ETFB: variants seen among roughly 807,000 people sequenced by gnomAD.
The protein encoded by ETFB is electron transfer flavoprotein subunit beta.
Under a neutral mutation model 25.6 loss-of-function variants are expected in ETFB, and 20 were observed. The observed-to-expected ratio is 0.78, with a 90% CI of 0.55 to 1.14. ETFB has a LOEUF of 1.14. Ranked by LOEUF, ETFB falls within the 50% of genes most tolerant of loss-of-function variation. The pLI is 0.00. For missense variants in ETFB, 286 were observed against 342.6 expected (o/e 0.83, Z 1.30); for synonymous variants, 142 against 146.7 (o/e 0.97, Z 0.23).
chr19:51,353,969 G>A (rs1380464267), intron 2 of ETFB, among the ~76,000 whole-genome samples, 181 bp downstream of exon 2: 8 of 131,394 alleles, frequency 6.1e-5, no homozygotes, highest in African/African-American at 1.2e-4. Context: ...CTCAGACCCA[G>A]GAGTCCAGGC....
chr19:51,360,285 C>A (rs980960518), intron 1 of ETFB, among the ~76,000 whole-genome samples: 8 of 151,598 alleles, frequency 5.3e-5, no homozygotes, highest in South Asian at 2.1e-4. Flanking sequence ...GCCTGTAATT[C>A]CAGCTAGTTG....
intron 4 of ETFB, 127 bp downstream of exon 4, chr19:51,350,202 C>A: frequency 9.4e-7 from 1 of 1,061,126 alleles, no homozygotes; most frequent in Non-Finnish European, 1.4e-6. Context: ...ACAAGAAAGC[C>A]ATGAGGCAAT....
In ETFB at chr19:51,357,802, TTTATAAGGTCA is replaced by T. The variant is rs532567824; in HGVS notation, c.58-3505_58-3495del. On this transcript the variant is annotated intron_variant, in intron 1 of 5. Transcript: ENST00000309244. ...CACCGCTCCTGGCCCAACCTGAGTT[TTTATAAGGTCA>T]TTCTGGATTCTTGGTGGAGAAAATT... Among the ~76,000 whole-genome samples, 84 of 152,188 alleles carry T rather than the reference TTTATAAGGTCA, an allele frequency of 5.5e-4. 10 individuals carry two copies. The East Asian group carries it at 9.9e-3, about 18-fold the overall frequency.
intron 4 of ETFB, among the ~76,000 whole-genome samples, chr19:51,349,761 T>A (rs1318196357): frequency 6.6e-6 from 1 of 152,046 alleles, no homozygotes; most frequent in Non-Finnish European, 1.5e-5. Context: ...TCTTTTTTCT[T>A]TTTTTGAGAC....
Position 51,366,381 on chromosome 19 carries a change from G to C in ETFB, c.-55C>G, listed in dbSNP as rs1986369699. On this transcript the variant is annotated 5_prime_UTR_variant, in exon 1 of 6. Transcript: ENST00000309244. ...CCCGCACCCTCAGCGGCTCAGTCCA[G>C]AAGCCCCACCACCCCCGCCCCCCGC... 4 of 1,552,880 alleles carry C rather than the reference G, an allele frequency of 2.6e-6. No individual in the cohort carries two copies. The highest frequency in any genetic ancestry group is 3.5e-6 in the Non-Finnish European group (4 of 1,139,666).
Position 51,354,082 on chromosome 19 carries a change from G to A in ETFB, c.216+68C>T, listed in dbSNP as rs1986008352. 20 of 1,546,326 alleles carry A rather than the reference G, an allele frequency of 1.3e-5. No individual in the cohort carries two copies. The South Asian group carries it at 2.3e-4, about 18-fold the overall frequency. ...CAGCCTCCTCCTCCCTCAGACCCAG[G>A]AGTCCAGGTCCCAGCCCCTCCTCCG... On this transcript the variant is annotated intron_variant, in intron 2 of 5. Coordinates refer to ENST00000309244, the MANE Select transcript of ETFB (RefSeq NM_001985.3).
rs1420981433 is a variant in ETFB at position 51,364,204 on chromosome 19, G to T, written c.57+2066C>A. On this transcript the variant is annotated intron_variant, in intron 1 of 5. Transcript: ENST00000309244. ...AGAGACAATAGGGCAAGAAGGGTGG[G>T]GGGTGGAGAACTGACAGCTTTGGGA... Among the ~76,000 whole-genome samples the T allele has an allele frequency of 2.6e-5, 4 of 152,168 alleles. No individual in the cohort carries two copies. In the East Asian group the frequency reaches 5.8e-4, roughly 22 times the overall value.
chr19:51,362,184 C>CAT (rs1489583891), intron 1 of ETFB, among the ~76,000 whole-genome samples: 3 of 147,714 alleles, frequency 2.0e-5, no homozygotes, highest in Non-Finnish European at 4.4e-5. Flanking sequence ...CACACACACA[C>CAT]ACACACACAC....
intron 1 of ETFB, among the ~76,000 whole-genome samples, chr19:51,364,088 G>C (rs12610961): frequency 0.57 from 86,337 of 151,850 alleles, 25,210 homozygotes; most frequent in African/African-American, 0.62. Context: ...GGTGCAGAAA[G>C]GCCCCTAAGG....
rs1426302614 is a variant in ETFB at position 51,366,250 on chromosome 19, G to A, written c.57+20C>T. The A allele has an allele frequency of 6.2e-7, 1 of 1,612,868 alleles. No individual in the cohort carries two copies. The highest frequency in any genetic ancestry group is 1.3e-5 in the African/African-American group (1 of 74,890). On this transcript the variant is annotated intron_variant, in intron 1 of 5. Transcript: ENST00000309244. ...CACGGCTGCGGGACTCAGGGATGTG[G>A]GAGAGGGGGGCCCGATCACCTTCAC... is the stretch of plus-strand genomic sequence containing the variant.
At chr19:51,358,395 A>C (rs1342045894) in intron 1 of ETFB, among the ~76,000 whole-genome samples, 1 of 152,160 alleles carries the variant, frequency 6.6e-6, no homozygotes, top group Non-Finnish European at 1.5e-5. Context: ...GACCGGGCGC[A>C]GTGGCTCCTG....
rs1599849601 is a variant in ETFB, at chr19:51,366,303, T to C, written c.24A>G (p.Val8=). The C allele has an allele frequency of 3.7e-6, 6 of 1,613,582 alleles. No individual in the cohort carries two copies. The highest frequency in any genetic ancestry group is 5.1e-6 in the Non-Finnish European group (6 of 1,180,008). Residue 8 remains valine (V), a synonymous_variant, in exon 1 of 6, where the codon GTA becomes GTG. Transcript: ENST00000309244. MAELRVL[V]AVKRVIDYAV... is the part of the protein sequence containing the mutation. ...CGTAGTCGATGACCCTCTTGACAGC[T>C]ACGAGCACGCGCAGCTCCGCCATCT...
At chr19:51,357,322 C>T (rs1022705126) in intron 1 of ETFB, among the ~76,000 whole-genome samples, 7 of 150,970 alleles carry the variant, frequency 4.6e-5, no homozygotes, top group African/African-American at 1.7e-4. Context: ...GATCTGCTCT[C>T]CTCGGCCTCC....
intron 1 of ETFB, chr19:51,356,016 A>G (rs1986070725): frequency 6.6e-6 from 1 of 151,868 alleles, no homozygotes; most frequent in Non-Finnish European, 1.5e-5. Context: ...TGGGTGCAGC[A>G]CACCAACATG....
chr19:51,358,277 C>T (rs1187715859), intron 1 of ETFB, among the ~76,000 whole-genome samples: 1 of 152,130 alleles, frequency 6.6e-6, no homozygotes, highest in East Asian at 1.9e-4. Flanking sequence ...TGTAACTGTT[C>T]CTCCCACAGG....
intron 3 of ETFB, 75 bp from the exon 4 acceptor site, chr19:51,350,466 G>C: frequency 1.2e-6 from 1 of 806,340 alleles, no homozygotes; most frequent in Non-Finnish European, 2.1e-6. Flanking sequence ...GTCTAGAACA[G>C]GGGTTGGCAA....
chr19:51,364,389 A>G (rs1420876757), intron 1 of ETFB, among the ~76,000 whole-genome samples: 1 of 152,180 alleles, frequency 6.6e-6, no homozygotes, highest in Admixed American at 6.5e-5. Context: ...AGGGGAAGGC[A>G]GCACCCTCTG....
At chr19:51,364,645 G>T (rs923939411) in intron 1 of ETFB, among the ~76,000 whole-genome samples, 2 of 152,210 alleles carry the variant, frequency 1.3e-5, no homozygotes, top group African/African-American at 2.4e-5. Context: ...TGACAGTAAC[G>T]AACAGTCAGA....
In ETFB at chr19:51,350,299, C is replaced by T. The variant is rs749987457; in HGVS notation, c.438+30G>A. On this transcript the variant is annotated intron_variant, in intron 4 of 5. Transcript: ENST00000309244. ...AAGTTTGAGGGATGAGGGCCTGGCC[C>T]TCAGCAGGTGCTCCCCACTCCAGTC... 6 of 1,602,378 alleles carry T rather than the reference C, an allele frequency of 3.7e-6. No individual in the cohort carries two copies. In the South Asian group the frequency reaches 6.7e-5, roughly 18 times the overall value.
Sources: allele counts gnomAD v4.1 joint callset (sites outside exome capture counted in the v4.1 genomes callset), GRCh38; gene constraint gnomAD v4.1.1; transcripts MANE v1.5; gene names NCBI Gene and HGNC (gene_info 2026-07-23, HGNC 2026-07-21).